The following ZNF71 variants were observed in gnomAD, a reference collection of about 807,000 sequenced individuals.
ZNF71 encodes endothelial zinc finger protein induced by tumor necrosis factor alpha.
In ZNF71, 3 loss-of-function variants were observed where a neutral mutation model predicts 6.7. The observed-to-expected ratio is 0.45, with a 90% CI of 0.20 to 1.16. The LOEUF (loss-of-function observed/expected upper bound fraction) is 1.16, where lower values mean the gene tolerates loss of function less well. Ranked by LOEUF, ZNF71 falls within the 50% of genes most tolerant of loss-of-function variation. The pLI, the probability that ZNF71 is intolerant of heterozygous loss-of-function variation, is 0.25. For synonymous variants in ZNF71, 343 were observed against 311.1 expected, an observed-to-expected ratio of 1.10 and a Z score of -1.08; for missense variants, 688 against 728.6, an observed-to-expected ratio of 0.94 and a Z score of 0.64.
At chr19:56,601,229 A>G (rs1013080319) in intron 1 of ZNF71, among the ~76,000 whole-genome samples, 1 of 152,124 alleles carries the variant, frequency 6.6e-6, no homozygotes, top group Non-Finnish European at 1.5e-5. Context: ...ATCTTGAGCA[A>G]GTGGTTTAAT....
At chr19:56,617,968 C>T (rs781646376) in intron 3 of ZNF71, among the ~76,000 whole-genome samples, 1 of 151,286 alleles carries the variant, frequency 6.6e-6, no homozygotes, top group East Asian at 2.0e-4. Flanking sequence ...CAGACTCCAT[C>T]AGCCCCAGAC....
At chr19:56,617,864 C>G (rs1322077313) in intron 3 of ZNF71, among the ~76,000 whole-genome samples, 1 of 152,126 alleles carries the variant, frequency 6.6e-6, no homozygotes, top group Non-Finnish European at 1.5e-5. Context: ...CTGATTTCTC[C>G]AGGTCATGTT....
chr19:56,605,406 A>C (rs957323730), intron 2 of ZNF71, among the ~76,000 whole-genome samples: 1 of 152,220 alleles, frequency 6.6e-6, no homozygotes, highest in African/African-American at 2.4e-5. Flanking sequence ...ATACCAGCTC[A>C]AGAGACAGAC....
At position 56,599,518 on chromosome 19, in the gene ZNF71, T is replaced by C. The variant is rs201313959; in HGVS notation, c.-52-1989T>C. On this transcript the variant is annotated intron_variant, in intron 1 of 3. Transcript: ENST00000599599. ...GGGGCCTGAACCCTGCTTTTCTTTT[T>C]AATTTTAATTTTTAATTTTTCTGGG... 3.9e-5 allele frequency among the ~76,000 whole-genome samples: 6 copies of C among 152,130 alleles called. No homozygotes were observed. The East Asian group carries it at 1.2e-3, about 29-fold the overall frequency.
rs1600596893 is a variant in ZNF71, at chr19:56,618,571, G to C, written c.161-2697G>C. Among the ~76,000 whole-genome samples, 1 of 152,342 alleles carries C rather than the reference G, an allele frequency of 6.6e-6. No individual in the cohort carries two copies. Among genetic ancestry groups the C allele is most frequent in the Admixed American group, 6.5e-5 (1 of 15,312 alleles). ...CCACAGGTCACTGAGTGTTCATAAA[G>C]AAGTGGGCAGGAGGACCTTCCTTCC... On this transcript the variant is annotated intron_variant, in intron 3 of 3. Transcript: ENST00000599599. The surrounding 1 kb of genome is among the most constrained non-coding windows in gnomAD (Gnocchi z 4.6).
At chr19:56,600,501 G>T (rs2044662395) in intron 1 of ZNF71, among the ~76,000 whole-genome samples, 1 of 149,224 alleles carries the variant, frequency 6.7e-6, no homozygotes, top group South Asian at 2.2e-4. Context: ...CCGGCCCTCT[G>T]TATTTTTTTA....
In ZNF71 at chr19:56,598,857, T is replaced by G. The variant is rs1292609896; in HGVS notation, c.-52-2650T>G. ...TTTCACTTGTGGAAGTTGGGGCCAT[T>G]TGGCCTAAGAAAGGCTCTTCTTTGT... On this transcript the variant is annotated intron_variant, in intron 1 of 3. Coordinates refer to ENST00000599599, the MANE Select transcript of ZNF71 (RefSeq NM_001370215.1). This position sits in a 1 kb window ranked among gnomAD's most constrained non-coding sequence, Gnocchi z 4.2. Among the ~76,000 whole-genome samples, 1 of 152,254 alleles carries G rather than the reference T, an allele frequency of 6.6e-6. No individual in the cohort carries two copies. The highest frequency in any genetic ancestry group is 1.5e-5 in the Non-Finnish European group (1 of 68,052).
intron 3 of ZNF71, among the ~76,000 whole-genome samples, chr19:56,617,132 A>C (rs1436279133): frequency 2.5e-5 from 2 of 81,022 alleles, no homozygotes; most frequent in Admixed American, 2.4e-4. Flanking sequence ...GTTTTTTTTG[A>C]GACAGTCTTG....
Position 56,622,447 on chromosome 19 carries a change from G to A in ZNF71, c.1340G>A (p.Cys447Tyr). The change falls in exon 4 of 4, where the codon TGC becomes TAC. Residue 447 changes from cysteine (C) to tyrosine (Y), a missense_variant. Coordinates refer to ENST00000599599, the MANE Select transcript of ZNF71 (RefSeq NM_001370215.1). ...TGEKPYECYICKKHFTGRSSL... is the reference protein window; with the variant it reads ...TGEKPYECYIYKKHFTGRSSL... ...GAGAAGCCCTACGAGTGCTACATCT[G>A]CAAGAAGCACTTCACGGGGCGCTCG... 6.2e-7 allele frequency: 1 copy of A among 1,613,708 alleles called. No individual in the cohort carries two copies. The highest frequency in any genetic ancestry group is 8.5e-7 in the Non-Finnish European group (1 of 1,179,938).
chr19:56,596,346 CTCTTCCA>C (rs1196126341), intron 1 of ZNF71, among the ~76,000 whole-genome samples: 1 of 152,058 alleles, frequency 6.6e-6, no homozygotes, highest in Non-Finnish European at 1.5e-5. Flanking sequence ...CTGGGTGTGC[CTCTTCCA>C]AAGACTATAT....
intron 1 of ZNF71, among the ~76,000 whole-genome samples, chr19:56,597,128 G>GAT (rs1382736897): frequency 6.6e-6 from 1 of 152,112 alleles, no homozygotes; most frequent in Non-Finnish European, 1.5e-5. Context: ...GGCTGGATTA[G>GAT]ATATTTTCTT....
chr19:56,620,669 C>T lies in ZNF71; in HGVS notation c.161-599C>T, dbSNP rs143214589. On this transcript the variant is annotated intron_variant, in intron 3 of 3. Transcript: ENST00000599599. ...ACCTCAGCCTCTCAAGTAGCTGGGACAATAGGCATGTGCCACCATGCCTGG... is the reference window on the plus strand; with the variant it reads ...ACCTCAGCCTCTCAAGTAGCTGGGATAATAGGCATGTGCCACCATGCCTGG... 5.9e-3 allele frequency among the ~76,000 whole-genome samples: 897 copies of T among 151,904 alleles called. 4 individuals are homozygous for T. Among genetic ancestry groups the T allele is most frequent in the Non-Finnish European group, 0.01 (693 of 67,952 alleles).
At position 56,603,945 on chromosome 19, in the gene ZNF71, G is replaced by A. The variant is rs1397147718; in HGVS notation, c.33+2354G>A. On this transcript the variant is annotated intron_variant, in intron 2 of 3. Coordinates refer to ENST00000599599, the MANE Select transcript of ZNF71 (RefSeq NM_001370215.1). This position sits in a 1 kb window ranked among gnomAD's most constrained non-coding sequence, Gnocchi z 4.6. The stretch of plus-strand genomic sequence containing the variant: ...AGAAAAAGGGGCCTTGGACACGTAC[G>A]TGCAGAGAACTCAGAGGCCCTTTGT... Among the ~76,000 whole-genome samples the A allele has an allele frequency of 2.0e-5, 3 of 152,158 alleles. No individual in the cohort carries two copies. Among genetic ancestry groups the A allele is most frequent in the South Asian group, 4.1e-4 (2 of 4,828 alleles).
intron 2 of ZNF71, 141 bp downstream of exon 2, chr19:56,601,732 T>C (rs906408129): frequency 3.0e-5 from 15 of 494,344 alleles, no homozygotes; most frequent in Non-Finnish European, 3.7e-5. Flanking sequence ...GCTGTGCTTA[T>C]AGATGATGCT....
Position 56,621,893 on chromosome 19 carries a change from T to A in ZNF71, c.786T>A (p.Thr262=), listed in dbSNP as rs1274492674. ...GKAFSQRMNL[T]VHQRTHTGEK... ...CCTTCAGCCAGCGCATGAACCTCAC[T>A]GTGCACCAGCGCACGCACACGGGCG... is the stretch of plus-strand genomic sequence containing the variant. The change falls in exon 4 of 4, where the codon ACT becomes ACA. Residue 262 remains threonine, a synonymous_variant. Coordinates refer to ENST00000599599, the MANE Select transcript of ZNF71 (RefSeq NM_001370215.1). 5 of 1,587,010 alleles carry A rather than the reference T, an allele frequency of 3.2e-6. No homozygotes were observed. The highest frequency in any genetic ancestry group is 1.7e-5 in the Admixed American group (1 of 58,100).
intron 2 of ZNF71, chr19:56,610,530 C>T (rs1376809453): frequency 1.3e-5 from 2 of 152,152 alleles, no homozygotes; most frequent in South Asian, 2.1e-4. Context: ...CTACTGATGG[C>T]CATTTGGGAT....
rs1048818081 is a variant in ZNF71 at position 56,603,213 on chromosome 19, C to T, written c.33+1622C>T. Among the ~76,000 whole-genome samples, 1 of 152,218 alleles carries T rather than the reference C, an allele frequency of 6.6e-6. No individual in the cohort carries two copies. Among genetic ancestry groups the T allele is most frequent in the African/African-American group, 2.4e-5 (1 of 41,458 alleles). On this transcript the variant is annotated intron_variant, in intron 2 of 3. Transcript: ENST00000599599. The surrounding 1 kb of genome is among the most constrained non-coding windows in gnomAD (Gnocchi z 4.6). ...AAAGAGCCGAGTACCCATTGGCACT[C>T]ATTTCCATTTTCCCCCATCAGTCCA...
At position 56,598,996 on chromosome 19, in the gene ZNF71, G is replaced by A. The variant is rs759561368; in HGVS notation, c.-52-2511G>A. On this transcript the variant is annotated intron_variant, in intron 1 of 3. Coordinates refer to ENST00000599599, the MANE Select transcript of ZNF71 (RefSeq NM_001370215.1). This position sits in a 1 kb window ranked among gnomAD's most constrained non-coding sequence, Gnocchi z 4.2. The stretch of plus-strand genomic sequence containing the variant: ...TGATTCAGAGGATCTGAGGTGGGGG[G>A]CAGGAATATATATTCTGAGTGAGAT... Among the ~76,000 whole-genome samples, 1 of 152,150 alleles carries A rather than the reference G, an allele frequency of 6.6e-6. No homozygotes were observed. The highest frequency in any genetic ancestry group is 1.5e-5 in the Non-Finnish European group (1 of 68,022).
At position 56,618,292 on chromosome 19, in the gene ZNF71, C is replaced by T. The variant is rs1054581351; in HGVS notation, c.161-2976C>T. 6.6e-6 allele frequency among the ~76,000 whole-genome samples: 1 copy of T among 152,174 alleles called. No individual in the cohort carries two copies. The highest frequency in any genetic ancestry group is 2.4e-5 in the African/African-American group (1 of 41,434). On this transcript the variant is annotated intron_variant, in intron 3 of 3. Transcript: ENST00000599599. This position sits in a 1 kb window ranked among gnomAD's most constrained non-coding sequence, Gnocchi z 4.6. ...TCTTGTATCTCCGTTTCCTCATCAG[C>T]AAAATGAGGATGGTCATAACTATCT...
Sources: allele counts gnomAD v4.1 joint callset (sites outside exome capture counted in the v4.1 genomes callset), GRCh38; gene constraint gnomAD v4.1.1; non-coding constraint Gnocchi (gnomAD v3.1); transcripts MANE v1.5; gene names NCBI Gene and HGNC (gene_info 2026-07-23, HGNC 2026-07-21).